The following CFAP20DC variants were observed in gnomAD, a reference collection of about 807,000 sequenced individuals.
The protein encoded by CFAP20DC is CFAP20 domain containing.
Under a neutral mutation model 101.7 loss-of-function variants are expected in CFAP20DC, and 84 were observed. That is an observed-to-expected ratio of 0.83 (90% confidence interval 0.69 to 0.99). The LOEUF (loss-of-function observed/expected upper bound fraction) is 0.99, where lower values mean the gene tolerates loss of function less well. Ranked by LOEUF, CFAP20DC falls within the 50% of genes least tolerant of loss-of-function variation. The pLI is 0.00. For synonymous variants in CFAP20DC, 359 were observed against 351.2 expected (o/e 1.02, Z -0.25); for missense variants, 1,007 against 970.3 (o/e 1.04, Z -0.50).
At chr3:58,981,531 A>G (rs562178845) in intron 4 of CFAP20DC, among the ~76,000 whole-genome samples, 124 of 152,342 alleles carry the variant, frequency 8.1e-4, no homozygotes, top group Middle Eastern at 3.4e-3. Context: ...GGAACAGAAC[A>G]GAGCCCTCAG....
chr3:58,745,209 A>G (rs111792795), intron 16 of CFAP20DC, among the ~76,000 whole-genome samples: 3,972 of 152,256 alleles, frequency 0.026, 175 homozygotes, highest in African/African-American at 0.089. Flanking sequence ...TTTCACATCA[A>G]AGGAGAGTAT....
chr3:58,875,425 A>AT (rs1421972486), intron 7 of CFAP20DC, among the ~76,000 whole-genome samples: 6 of 152,096 alleles, frequency 3.9e-5, no homozygotes, highest in African/African-American at 7.2e-5. Context: ...TCAAATGTTG[A>AT]TTTTTTCAGA....
At position 58,894,786 on chromosome 3, in the gene CFAP20DC, C is replaced by T. The variant is rs1029189756; in HGVS notation, c.551-10077G>A. ...GCCCTAGCTGAGGTTCTCATGAGGG[C>T]CCTGCCCCTGCAACAAACTTGTGCC... is the stretch of plus-strand genomic sequence containing the variant. On this transcript the variant is annotated intron_variant, in intron 6 of 16. Transcript: ENST00000482387. The surrounding 1 kb of genome is among the most constrained non-coding windows in gnomAD (Gnocchi z 4.1). 2.6e-5 allele frequency among the ~76,000 whole-genome samples: 4 copies of T among 152,248 alleles called. No individual in the cohort carries two copies. The highest frequency in any genetic ancestry group is 5.9e-5 in the Non-Finnish European group (4 of 68,044).
At chr3:58,990,597 G>A (rs1218425419) in intron 4 of CFAP20DC, among the ~76,000 whole-genome samples, 1 of 152,082 alleles carries the variant, frequency 6.6e-6, no homozygotes, top group Non-Finnish European at 1.5e-5. Context: ...ATCTTTCTGT[G>A]TACTTTCTTA....
intron 14 of CFAP20DC, among the ~76,000 whole-genome samples, chr3:58,822,516 A>G (rs2075749055): frequency 6.6e-6 from 1 of 151,594 alleles, no homozygotes; most frequent in Non-Finnish European, 1.5e-5. Context: ...GTAGTGCACC[A>G]GCATGGCACA....
In CFAP20DC at chr3:58,753,296, G is replaced by A. The variant is rs142714452; in HGVS notation, c.2332+473C>T. On this transcript the variant is annotated intron_variant, in intron 16 of 16. Transcript: ENST00000482387. The stretch of plus-strand genomic sequence containing the variant: ...GGTATCTGAGTGATGTTGAAATATC[G>A]TGTCTGCTGTATAATAATGCCAACA... 4.1e-4 allele frequency among the ~76,000 whole-genome samples: 63 copies of A among 152,196 alleles called. No individual in the cohort carries two copies. The East Asian group carries it at 0.011, about 26-fold the overall frequency.
chr3:58,930,950 G>A (rs2086572421), intron 5 of CFAP20DC, among the ~76,000 whole-genome samples: 1 of 152,190 alleles, frequency 6.6e-6, no homozygotes, highest in African/African-American at 2.4e-5. Flanking sequence ...CTGTGAGCGA[G>A]CCGAAGCAGG....
chr3:58,748,298 C>G (rs529997545), intron 16 of CFAP20DC, among the ~76,000 whole-genome samples: 1 of 152,124 alleles, frequency 6.6e-6, no homozygotes, highest in East Asian at 1.9e-4. Context: ...CAACGTTGAG[C>G]TATGGGAAAA....
At chr3:58,922,095 G>A (rs2107550357) in intron 5 of CFAP20DC, among the ~76,000 whole-genome samples, 1 of 152,150 alleles carries the variant, frequency 6.6e-6, no homozygotes, top group Admixed American at 6.5e-5. Flanking sequence ...TAGATTTAAT[G>A]TGCACTTTTT....
chr3:58,768,006 T>C (rs2070477356), intron 15 of CFAP20DC, among the ~76,000 whole-genome samples: 1 of 152,200 alleles, frequency 6.6e-6, no homozygotes, highest in South Asian at 2.1e-4. Flanking sequence ...TTACCCCTTA[T>C]GGCTAAGGAA....
intron 7 of CFAP20DC, among the ~76,000 whole-genome samples, chr3:58,876,237 A>G (rs1258730048): frequency 6.6e-6 from 1 of 152,142 alleles, no homozygotes; most frequent in East Asian, 1.9e-4. Context: ...GTGTATAATC[A>G]TATTAATTGT....
intron 14 of CFAP20DC, among the ~76,000 whole-genome samples, chr3:58,810,136 T>G (rs1358907755): frequency 1.1e-4 from 16 of 152,176 alleles, no homozygotes; most frequent in South Asian, 4.1e-4. Flanking sequence ...AAGGAGGAAC[T>G]GGTACCATTC....
chr3:58,717,352 G>T (rs867988700), downstream of CFAP20DC: 15 of 237,338 alleles, frequency 6.3e-5, no homozygotes, highest in Middle Eastern at 1.4e-3. This position sits in a 1 kb window ranked among gnomAD's most constrained non-coding sequence, Gnocchi z 4.1. Flanking sequence ...GCAGGGGAAT[G>T]CTGAATCTCA....
intron 4 of CFAP20DC, among the ~76,000 whole-genome samples, chr3:58,940,878 C>G (rs1415382262): frequency 2.0e-5 from 3 of 152,172 alleles, no homozygotes; most frequent in African/African-American, 7.2e-5. Context: ...TGATACTGAT[C>G]ATGTCTACTC....
intron 12 of CFAP20DC, among the ~76,000 whole-genome samples, chr3:58,860,361 G>A (rs905634488): frequency 4.1e-4 from 62 of 152,082 alleles, no homozygotes; most frequent in African/African-American, 1.4e-3. Flanking sequence ...GAGGGTGGAC[G>A]AAAATGGTCA....
chr3:59,038,203 C>T (rs527672644), intron 4 of CFAP20DC, among the ~76,000 whole-genome samples: 4 of 152,114 alleles, frequency 2.6e-5, no homozygotes, highest in South Asian at 2.1e-4. Flanking sequence ...ATGGGTGCAG[C>T]GAACCACCAT....
intron 4 of CFAP20DC, among the ~76,000 whole-genome samples, chr3:58,977,613 C>G (rs1253476189): frequency 6.6e-6 from 1 of 151,686 alleles, no homozygotes; most frequent in Non-Finnish European, 1.5e-5. Flanking sequence ...AAAATTAATA[C>G]TTACTGAGGG....
In CFAP20DC at chr3:58,877,979, T is replaced by C. The variant is rs950404025; in HGVS notation, c.715+6566A>G. Among the ~76,000 whole-genome samples the C allele has an allele frequency of 5.3e-5, 8 of 152,060 alleles. No individual in the cohort carries two copies. The South Asian group carries it at 6.2e-4, about 12-fold the overall frequency. Reference sequence around the variant, plus strand: ...GGCATGGAAAAGGGAGCAGGGCAAATTGAAGTGGCTTCAGTGCCAGGCAGG... The same window carrying C: ...GGCATGGAAAAGGGAGCAGGGCAAACTGAAGTGGCTTCAGTGCCAGGCAGG... On this transcript the variant is annotated intron_variant, in intron 7 of 16. Coordinates refer to ENST00000482387, the MANE Select transcript of CFAP20DC (RefSeq NM_001394063.1).
chr3:58,822,397 T>G (rs1490558923), intron 14 of CFAP20DC, among the ~76,000 whole-genome samples: 1 of 146,958 alleles, frequency 6.8e-6, no homozygotes, highest in Non-Finnish European at 1.5e-5. Flanking sequence ...TGAGATCACA[T>G]GGACACAGGA....
Sources: allele counts gnomAD v4.1 joint callset (sites outside exome capture counted in the v4.1 genomes callset), GRCh38; gene constraint gnomAD v4.1.1; non-coding constraint Gnocchi (gnomAD v3.1); transcripts MANE v1.5; gene names NCBI Gene and HGNC (gene_info 2026-07-23, HGNC 2026-07-21).